Variants in TLK1 observed in about 807,000 individuals in gnomAD.
TLK1 encodes tousled like kinase 1, also known as serine/threonine-protein kinase tousled-like 1.
TLK1 carries 24 observed loss-of-function variants against 105.3 expected under a neutral mutation model. The observed-to-expected ratio is 0.23, with a 90% confidence interval of 0.17 to 0.32. The LOEUF is 0.32. Among genes scored for constraint, TLK1 ranks in the 10% least tolerant of loss-of-function variants. The pLI, the probability that TLK1 is intolerant of heterozygous loss-of-function variation, is 1.00. For missense variants in TLK1, 558 were observed against 910.5 expected (o/e 0.61, Z 4.98); for synonymous variants, 321 against 310.4 (o/e 1.03, Z -0.36).
In TLK1 at chr2:171,160,804, C is replaced by T; in HGVS notation, c.-376G>A. 1 of 385,992 alleles carries T rather than the reference C, an allele frequency of 2.6e-6. No individual in the cohort carries two copies. The highest frequency in any genetic ancestry group is 2.1e-5 in the African/African-American group (1 of 47,412). The allele number at this position is 385,992 out of a possible 1,614,324, so 23.9% of individuals were successfully genotyped here. A position where few individuals can be genotyped will look rare whatever the true frequency, so the allele number is the denominator to read the frequency against. ...CACTTCCGCGGGCGGAACCTGCCGG[C>T]ACCTCTGCAGTGCGTCGGCCCCCGG... On this transcript the variant is annotated 5_prime_UTR_variant, in exon 1 of 21. Coordinates refer to ENST00000431350, the MANE Select transcript of TLK1 (RefSeq NM_012290.5). This position sits in a 1 kb window ranked among gnomAD's most constrained non-coding sequence, Gnocchi z 4.4.
chr2:171,213,976 G>A (rs901444393), intron 1 of TLK1, among the ~76,000 whole-genome samples: 9 of 151,422 alleles, frequency 5.9e-5, no homozygotes, highest in African/African-American at 2.2e-4. Flanking sequence ...CTTGAGGAGT[G>A]TGGAGCTCAC....
intron 1 of TLK1, among the ~76,000 whole-genome samples, chr2:171,204,321 A>C (rs1462784450): frequency 6.6e-6 from 1 of 152,190 alleles, no homozygotes; most frequent in East Asian, 1.9e-4. Context: ...AAATGGAACG[A>C]TCTAAGTTGG....
At chr2:171,201,942 T>C (rs922552921) in intron 1 of TLK1, among the ~76,000 whole-genome samples, 1 of 146,634 alleles carries the variant, frequency 6.8e-6, no homozygotes, top group African/African-American at 2.5e-5. Flanking sequence ...TCTATCTATC[T>C]ATCATCAATC....
intron 1 of TLK1, among the ~76,000 whole-genome samples, chr2:171,153,501 A>G (rs1692121381): frequency 6.6e-6 from 1 of 152,194 alleles, no homozygotes; most frequent in Non-Finnish European, 1.5e-5. Context: ...TTGAGTGCCA[A>G]CTCTGTAGAG....
chr2:171,159,785 C>A (rs568165542), intron 1 of TLK1: 1 of 153,116 alleles, frequency 6.5e-6, no homozygotes, highest in South Asian at 2.1e-4. Context: ...ACCCAGCAAG[C>A]GAGGGGCATC....
At chr2:171,115,205 CTT>C (rs1690364114) in intron 2 of TLK1, among the ~76,000 whole-genome samples, 2 of 115,124 alleles carry the variant, frequency 1.7e-5, no homozygotes, top group African/African-American at 3.9e-5. Flanking sequence ...GAGTTTCGCT[CTT>C]GTTGCCCAGG....
rs1689085434 is a variant in TLK1 at position 171,088,629 on chromosome 2, A to G, written c.259-5777T>C. 5.3e-5 allele frequency among the ~76,000 whole-genome samples: 8 copies of G among 152,362 alleles called. No homozygotes were observed. The South Asian group carries it at 1.7e-3, about 32-fold the overall frequency. ...AGGGAAGAACAAATAGAGTATTTAC[A>G]AAGAATCAGGAATCAGAATGGCATT... On this transcript the variant is annotated intron_variant, in intron 2 of 20. Transcript: ENST00000431350.
chr2:171,155,686 T>C (rs1274321686), intron 1 of TLK1: 1 of 152,176 alleles, frequency 6.6e-6, no homozygotes, highest in Non-Finnish European at 1.5e-5. Context: ...AATATGTCCC[T>C]GTAGTCCACT....
At chr2:171,167,654 G>C (rs192487133) in intron 1 of TLK1, among the ~76,000 whole-genome samples, 11 of 152,024 alleles carry the variant, frequency 7.2e-5, no homozygotes, top group Admixed American at 5.2e-4. Flanking sequence ...TCTCAGATTT[G>C]TCAATCCATT....
Position 171,053,709 on chromosome 2 carries a change from T to G in TLK1, c.732+52A>C, listed in dbSNP as rs571220480. Reference sequence around the variant, plus strand: ...CTAAGTATTTTCTGAACAGTTTGACTGTTGCCAAATAATTTATTCAATTTT... The same window carrying G: ...CTAAGTATTTTCTGAACAGTTTGACGGTTGCCAAATAATTTATTCAATTTT... On this transcript the variant is annotated intron_variant, in intron 8 of 20. Coordinates refer to ENST00000431350, the MANE Select transcript of TLK1 (RefSeq NM_012290.5). 6 of 1,399,814 alleles carry G rather than the reference T, an allele frequency of 4.3e-6. No individual in the cohort carries two copies. The African/African-American group carries it at 7.3e-5, about 17-fold the overall frequency. The allele number at this position is 1,399,814 out of a possible 1,614,324, so 86.7% of individuals were successfully genotyped here.
At chr2:170,996,834 C>T (rs1684087373) in intron 19 of TLK1, 74 bp from the exon 20 acceptor site, 5 of 1,299,354 alleles carry the variant, frequency 3.8e-6, no homozygotes, top group South Asian at 1.4e-5. Context: ...TCTGTTTAAG[C>T]GAATTCCCAA....
At chr2:171,055,662 G>A (rs1687467659) in intron 6 of TLK1, among the ~76,000 whole-genome samples, 1 of 151,940 alleles carries the variant, frequency 6.6e-6, no homozygotes, top group Admixed American at 6.6e-5. Context: ...CATTGTATCA[G>A]CGCTATCACT....
chr2:171,091,492 A>G (rs1237779391), intron 2 of TLK1: 1 of 152,196 alleles, frequency 6.6e-6, no homozygotes, highest in Non-Finnish European at 1.5e-5. Context: ...TGACAGCAAC[A>G]TAGTTTCTTT....
chr2:171,096,822 G>A (rs532535651), intron 2 of TLK1, among the ~76,000 whole-genome samples: 13 of 151,410 alleles, frequency 8.6e-5, no homozygotes, highest in South Asian at 4.2e-4. Flanking sequence ...TAAAACTGTC[G>A]AAAGAAATTG....
chr2:171,073,654 G>A (rs1017667725), intron 3 of TLK1, among the ~76,000 whole-genome samples: 6 of 151,888 alleles, frequency 4.0e-5, no homozygotes, highest in Admixed American at 3.3e-4. Context: ...CTATGAACCC[G>A]GTTAATACAA....
chr2:171,195,318 A>G (rs1032608706), intron 1 of TLK1, among the ~76,000 whole-genome samples: 1 of 151,962 alleles, frequency 6.6e-6, no homozygotes, highest in East Asian at 1.9e-4. Flanking sequence ...CCTGGCTAAC[A>G]CGGTGAAACC....
chr2:171,211,326 G>A (rs1029331845), intron 1 of TLK1, among the ~76,000 whole-genome samples: 4 of 152,146 alleles, frequency 2.6e-5, no homozygotes, highest in Non-Finnish European at 4.4e-5. Context: ...TTTTCACCAC[G>A]AATTATATCA....
intron 1 of TLK1, among the ~76,000 whole-genome samples, chr2:171,129,755 AG>A (rs1449153811): frequency 2.0e-5 from 3 of 152,094 alleles, no homozygotes; most frequent in Admixed American, 6.6e-5. Context: ...ACTTGAGCCC[AG>A]GAAGTAGAGG....
intron 12 of TLK1, among the ~76,000 whole-genome samples, chr2:171,020,025 T>C (rs1453558357): frequency 6.7e-6 from 1 of 149,084 alleles, no homozygotes; most frequent in Non-Finnish European, 1.5e-5. Flanking sequence ...ACTACTGCAC[T>C]CTAGCCAGCC....
Sources: gnomAD v4.1 joint callset for allele counts (sites outside exome capture counted in the v4.1 genomes callset) on GRCh38, gnomAD v4.1.1 for gene constraint, Gnocchi (gnomAD v3.1) non-coding constraint, MANE v1.5 for transcripts, NCBI Gene and HGNC (gene_info 2026-07-23, HGNC 2026-07-21) for gene names.